Variants in CYP11A1 observed in about 807,000 individuals in gnomAD.
CYP11A1 encodes the protein cholesterol side-chain cleavage enzyme, mitochondrial.
A neutral mutation model predicts 51.9 loss-of-function variants in CYP11A1; 25 were observed. That is an observed-to-expected ratio of 0.48 (90% confidence interval 0.35 to 0.67). CYP11A1 has a LOEUF of 0.67. Among genes scored for constraint, CYP11A1 ranks in the 30% least tolerant of loss-of-function variants. CYP11A1 has a pLI of 0.00. For missense variants in CYP11A1, 578 were observed against 680.9 expected (o/e 0.85, Z 1.68); for synonymous variants, 245 against 262.1 (o/e 0.93, Z 0.63).
chr15:74,342,237 C>G (rs1016827400), intron 5 of CYP11A1, among the ~76,000 whole-genome samples: 1 of 152,156 alleles, frequency 6.6e-6, no homozygotes, highest in Admixed American at 6.5e-5. Flanking sequence ...TGCCCACCAC[C>G]AGGCCCAGCT....
chr15:74,362,279 CAATT>C (rs1232483641), intron 1 of CYP11A1: 2 of 284,202 alleles, frequency 7.0e-6, no homozygotes, highest in Non-Finnish European at 1.3e-5. Flanking sequence ...CCTAGGAAAA[CAATT>C]AAAGCTTCAG....
At chr15:74,346,071 G>A (rs759856268) in intron 2 of CYP11A1, among the ~76,000 whole-genome samples, 6 of 152,076 alleles carry the variant, frequency 3.9e-5, no homozygotes, top group Non-Finnish European at 7.4e-5. Context: ...AAAAGCTGTC[G>A]GTCAGACACA....
intron 1 of CYP11A1, among the ~76,000 whole-genome samples, chr15:74,361,083 G>A (rs1035147062): frequency 5.3e-5 from 8 of 152,002 alleles, no homozygotes; most frequent in South Asian, 2.1e-4. Context: ...AATAGTTTAC[G>A]GTAATCTGGA....
At chr15:74,342,630 G>T (rs1328642390) in intron 5 of CYP11A1, among the ~76,000 whole-genome samples, 1 of 152,126 alleles carries the variant, frequency 6.6e-6, no homozygotes, top group Non-Finnish European at 1.5e-5. Context: ...CCAGGAGCTG[G>T]GGGCATTGTC....
At chr15:74,359,458 G>T in intron 1 of CYP11A1, 1 of 152,404 alleles carries the variant, frequency 6.6e-6, no homozygotes, top group South Asian at 2.0e-4. Flanking sequence ...CAGATGGCCT[G>T]AAGTAACTGA....
rs1484439388 is a variant in CYP11A1 at position 74,339,325 on chromosome 15, G to A, written c.1158-10C>T. On this transcript the variant is annotated splice_polypyrimidine_tract_variant and intron_variant, in intron 6 of 8. Transcript: ENST00000268053. ...GGAGATGGGGTGAAGTCTGCGGGAG[G>A]AGGGCACTCAGAAGCTGATGGCCCC... is the stretch of plus-strand genomic sequence containing the variant. 6.2e-7 allele frequency: 1 copy of A among 1,613,340 alleles called. No homozygotes were observed. The highest frequency in any genetic ancestry group is 1.3e-5 in the African/African-American group (1 of 74,920).
At chr15:74,361,269 T>G (rs2060707609) in intron 1 of CYP11A1, 1 of 188,626 alleles carries the variant, frequency 5.3e-6, no homozygotes, top group Non-Finnish European at 1.1e-5. Flanking sequence ...TTTTTGTGAA[T>G]AATATATTCC....
In CYP11A1 at chr15:74,367,476, C is replaced by A. The variant is rs750566795; in HGVS notation, c.110G>T (p.Gly37Val). 6.2e-7 allele frequency: 1 copy of A among 1,614,230 alleles called. No individual in the cohort carries two copies. Among genetic ancestry groups the A allele is most frequent in the Non-Finnish European group, 8.5e-7 (1 of 1,180,046 alleles). ...LGRLRVPTGE[G>V]AGISTRSPRP... is the part of the protein sequence containing the mutation. ...AGGACTGCGGGTGGAGATGCCAGCTCCCTCGCCAGTGGGCACCCTGAGACG... is the reference window on the plus strand; with the variant it reads ...AGGACTGCGGGTGGAGATGCCAGCTACCTCGCCAGTGGGCACCCTGAGACG... The change falls in exon 1 of 9, where the codon GGA becomes GTA. Residue 37 changes from glycine to valine, a missense_variant. By Grantham distance (109) the Gly-to-Val change is moderately radical. Coordinates refer to ENST00000268053, the MANE Select transcript of CYP11A1 (RefSeq NM_000781.3).
chr15:74,343,058 G>A lies in CYP11A1; in HGVS notation c.909C>T (p.Tyr303=), dbSNP rs753557553. The change falls in exon 5 of 9, where the codon TAC becomes TAT. Residue 303 remains tyrosine (Y), a synonymous_variant. Coordinates refer to ENST00000268053, the MANE Select transcript of CYP11A1 (RefSeq NM_000781.3). ...ACATCTTGCTGTCTCCCAGGAGTCTGTAGAGGATGCCACGGTAATCGTGGT... is the reference window on the plus strand; with the variant it reads ...ACATCTTGCTGTCTCCCAGGAGTCTATAGAGGATGCCACGGTAATCGTGGT... ...SVHHDYRGIL[Y]RLLGDSKMSF... is the part of the protein sequence containing the mutation. 6.2e-7 allele frequency: 1 copy of A among 1,613,824 alleles called. No homozygotes were observed. Among genetic ancestry groups the A allele is most frequent in the Non-Finnish European group, 8.5e-7 (1 of 1,180,030 alleles).
chr15:74,338,759 G>A lies in CYP11A1; in HGVS notation c.1246C>T (p.Gln416Ter). ...DYMIPAKTLV[Q>*]VAIYALGREP... ...CGGCCCAGAGCATAGATGGCCACTT[G>A]CACCAGTGTCTGGGGCAAGGTGATC... The change falls in exon 8 of 9, where the codon CAA becomes TAA. Residue 416 changes from glutamine (Q) to a stop codon, truncating the protein, a stop_gained. Coordinates refer to ENST00000268053, the MANE Select transcript of CYP11A1 (RefSeq NM_000781.3). LOFTEE classifies it high-confidence loss of function. The A allele has an allele frequency of 6.2e-7, 1 of 1,614,090 alleles. No homozygotes were observed. The highest frequency in any genetic ancestry group is 8.5e-7 in the Non-Finnish European group (1 of 1,179,992).
intron 5 of CYP11A1, among the ~76,000 whole-genome samples, chr15:74,341,267 G>A (rs994445042): frequency 1.8e-4 from 28 of 152,160 alleles, no homozygotes; most frequent in Non-Finnish European, 3.5e-4. Flanking sequence ...CACAGTAATC[G>A]TTTCTTTGGT....
chr15:74,345,707 C>T lies in CYP11A1; in HGVS notation c.426-464G>A, dbSNP rs2141235748. Among the ~76,000 whole-genome samples the T allele has an allele frequency of 6.6e-6, 1 of 152,174 alleles. No homozygotes were observed. The highest frequency in any genetic ancestry group is 2.4e-5 in the African/African-American group (1 of 41,428). ...CCTCTCCTCCTCTGCACCCCCAACA[C>T]GTCCCATTACTCACTTCTGTCGGGG... On this transcript the variant is annotated intron_variant, in intron 2 of 8. Coordinates refer to ENST00000268053, the MANE Select transcript of CYP11A1 (RefSeq NM_000781.3). The surrounding 1 kb of genome is among the most constrained non-coding windows in gnomAD (Gnocchi z 4.3).
Position 74,338,712 on chromosome 15 carries a change from G to A in CYP11A1, c.1293C>T (p.Asp431=). The part of the protein sequence containing the change: ...ALGREPTFFF[D]PENFDPTRWL... ...ATCGGGTTGGGTCAAAATTTTCCGG[G>A]TCGAAGAAGAAGGTGGGCTCTCGGC... Residue 431 remains aspartate, a synonymous_variant, in exon 8 of 9, where the codon GAC becomes GAT. Transcript: ENST00000268053. 6.2e-7 allele frequency: 1 copy of A among 1,614,178 alleles called. No homozygotes were observed. Among genetic ancestry groups the A allele is most frequent in the East Asian group, 2.2e-5 (1 of 44,886 alleles).
intron 4 of CYP11A1, 147 bp downstream of exon 4, chr15:74,343,642 C>T: frequency 1.3e-6 from 1 of 769,174 alleles, no homozygotes; most frequent in Non-Finnish European, 2.3e-6. Flanking sequence ...TTCCAGGGGT[C>T]CCAGGGCCTT....
At chr15:74,347,073 TGGGATTACA>T (rs1567053733) in intron 2 of CYP11A1, among the ~76,000 whole-genome samples, 3 of 152,108 alleles carry the variant, frequency 2.0e-5, no homozygotes, top group Non-Finnish European at 4.4e-5. Flanking sequence ...CCCAAAGTGC[TGGGATTACA>T]GGCATGAGCC....
chr15:74,361,684 G>A (rs769780791), intron 1 of CYP11A1: 13 of 1,226,218 alleles, frequency 1.1e-5, no homozygotes, highest in Non-Finnish European at 2.4e-6. Flanking sequence ...GGAGAGGAAG[G>A]ATTTGGTTAT....
Position 74,343,805 on chromosome 15 carries a change from G to A in CYP11A1, c.813C>T (p.Asp271=), listed in dbSNP as rs371896933. 7.2e-5 allele frequency: 116 copies of A among 1,612,490 alleles called. 1 individual carries two copies. The highest frequency in any genetic ancestry group is 5.5e-4 in the Admixed American group (33 of 59,996). Reference sequence around the variant, plus strand: ...AGCCCTCACCTTTACTGAAAATCACGTCCCATGCAGCCACATGGTCCTTCC... The same window carrying A: ...AGCCCTCACCTTTACTGAAAATCACATCCCATGCAGCCACATGGTCCTTCC... ...KTWKDHVAAW[D]VIFSKADIYT... is the part of the protein sequence containing the mutation. Residue 271 remains aspartate (D), a synonymous_variant, in exon 4 of 9, where the codon GAC becomes GAT. Coordinates refer to ENST00000268053, the MANE Select transcript of CYP11A1 (RefSeq NM_000781.3).
chr15:74,356,997 A>G (rs190351606), intron 1 of CYP11A1, among the ~76,000 whole-genome samples: 49 of 152,236 alleles, frequency 3.2e-4, no homozygotes, highest in Non-Finnish European at 2.5e-4. Context: ...AAAGCCTATA[A>G]TCTCTCCTTA....
Position 74,345,546 on chromosome 15 carries a change from T to G in CYP11A1, c.426-303A>C, listed in dbSNP as rs2060629240. On this transcript the variant is annotated intron_variant, in intron 2 of 8. Coordinates refer to ENST00000268053, the MANE Select transcript of CYP11A1 (RefSeq NM_000781.3). This position sits in a 1 kb window ranked among gnomAD's most constrained non-coding sequence, Gnocchi z 4.3. ...TTAGAACCCTTTGTGTAACTTTCAG[T>G]CTCTCCAGTCTTTGCCTCAGCTGCA... is the stretch of plus-strand genomic sequence containing the variant. 6.6e-6 allele frequency among the ~76,000 whole-genome samples: 1 copy of G among 152,150 alleles called. No homozygotes were observed. Among genetic ancestry groups the G allele is most frequent in the Non-Finnish European group, 1.5e-5 (1 of 68,020 alleles).
Sources: allele counts gnomAD v4.1 joint callset (sites outside exome capture counted in the v4.1 genomes callset), GRCh38; gene constraint gnomAD v4.1.1; non-coding constraint Gnocchi (gnomAD v3.1); transcripts MANE v1.5; gene names NCBI Gene and HGNC (gene_info 2026-07-23, HGNC 2026-07-21).